The following PET117 variants were observed in gnomAD, a reference collection of about 807,000 sequenced individuals.
The protein encoded by PET117 is PET117 cytochrome c oxidase chaperone.
Under a neutral mutation model 9.2 loss-of-function variants are expected in PET117, and 10 were observed. That is an observed-to-expected ratio of 1.09 (90% CI 0.67 to 1.85). The LOEUF is 1.85. Ranked by LOEUF, PET117 falls within the 40% of genes most tolerant of loss-of-function variation. The probability of loss-of-function intolerance (pLI) is 0.00; values close to 1 mark genes in which losing one functional copy is unlikely to be tolerated. For missense variants in PET117, 96 were observed against 98.2 expected (o/e 0.98, Z 0.09); for synonymous variants, 43 against 37.1 (o/e 1.16, Z -0.57).
intron 1 of PET117, among the ~76,000 whole-genome samples, chr20:18,139,482 G>T (rs547589581): frequency 6.6e-6 from 1 of 152,270 alleles, no homozygotes; most frequent in East Asian, 1.9e-4. Context: ...CCCCACCCCA[G>T]ACCATTTAAA....
Position 18,143,034 on chromosome 20 carries a change from T to C in PET117, c.*677T>C. 4 of 1,452,324 alleles carry C rather than the reference T, an allele frequency of 2.8e-6. No homozygotes were observed. The highest frequency in any genetic ancestry group is 3.6e-6 in the Non-Finnish European group (4 of 1,103,152). 90.0% of individuals were successfully genotyped at this position (1,452,324 alleles called of 1,614,324 possible). ...ACCTAAATAAAAGGATAATTATATT[T>C]ATTCTCTAGTTGATCAGCTATAAAT... On this transcript the variant is annotated 3_prime_UTR_variant, in exon 2 of 2. Coordinates refer to ENST00000432901, the MANE Select transcript of PET117 (RefSeq NM_001164811.2).
At chr20:18,138,085 C>CAA in intron 1 of PET117, 34 bp downstream of exon 1, 1 of 1,436,220 alleles carries the variant, frequency 7.0e-7, no homozygotes, top group Non-Finnish European at 9.1e-7. Context: ...TCCGGGCCCG[C>CAA]GCGCGCGGCG....
intron 1 of PET117, chr20:18,138,268 C>T: frequency 1.6e-6 from 2 of 1,226,420 alleles, no homozygotes; most frequent in African/African-American, 1.6e-5. Context: ...CCCGCAGATT[C>T]AGGACGACCC....
chr20:18,142,880 TC>T lies in PET117; in HGVS notation c.*525del. On this transcript the variant is annotated 3_prime_UTR_variant, in exon 2 of 2. Transcript: ENST00000432901. ...CGTGTCTTGGATGGAGGAGCAGCTG[TC>T]CTACTTCTGTGACAAGTGCCAAAAA... 1 of 1,614,176 alleles carries T rather than the reference TC, an allele frequency of 6.2e-7. No homozygotes were observed. The highest frequency in any genetic ancestry group is 8.5e-7 in the Non-Finnish European group (1 of 1,180,004).
chr20:18,143,102 T>C lies in PET117; in HGVS notation c.*745T>C. The C allele has an allele frequency of 7.3e-7, 1 of 1,377,474 alleles. No homozygotes were observed. Among genetic ancestry groups the C allele is most frequent in the Non-Finnish European group, 9.4e-7 (1 of 1,062,916 alleles). The allele number at this position is 1,377,474 out of a possible 1,614,324, so 85.3% of individuals were successfully genotyped here. A position where few individuals can be genotyped will look rare whatever the true frequency, so the allele number is the denominator to read the frequency against. The stretch of plus-strand genomic sequence containing the variant: ...ATGTTTGTACTAATGAAACGTACTG[T>C]CAACCTCTATCACATTGTTAAATTA... On this transcript the variant is annotated 3_prime_UTR_variant, in exon 2 of 2. Coordinates refer to ENST00000432901, the MANE Select transcript of PET117 (RefSeq NM_001164811.2).
rs778446683 is a variant in PET117 at position 18,142,652 on chromosome 20, A to T, written c.*295A>T. ...TGAGAAGCACTGCCGAGCTTGTGAG[A>T]AGGAAGGGATGGATAGTAGCATCCA... On this transcript the variant is annotated 3_prime_UTR_variant, in exon 2 of 2. Coordinates refer to ENST00000432901, the MANE Select transcript of PET117 (RefSeq NM_001164811.2). The T allele has an allele frequency of 6.2e-7, 1 of 1,613,710 alleles. No individual in the cohort carries two copies. Among genetic ancestry groups the T allele is most frequent in the Non-Finnish European group, 8.5e-7 (1 of 1,179,656 alleles).
At chr20:18,138,986 GA>G (rs141089107) in intron 1 of PET117, among the ~76,000 whole-genome samples, 3,784 of 152,306 alleles carry the variant, frequency 0.025, 73 homozygotes, top group African/African-American at 0.045. Context: ...CACCAAGGGT[GA>G]AAATAATGGA....
At chr20:18,140,681 G>A (rs1018214135) in intron 1 of PET117, among the ~76,000 whole-genome samples, 10 of 151,652 alleles carry the variant, frequency 6.6e-5, no homozygotes, top group Admixed American at 2.0e-4. Flanking sequence ...GCCTGGTGGC[G>A]CACGCCTGTA....
chr20:18,142,979 A>G lies in PET117; in HGVS notation c.*622A>G. On this transcript the variant is annotated 3_prime_UTR_variant, in exon 2 of 2. Transcript: ENST00000432901. Reference sequence around the variant, plus strand: ...TCCTGTGTGAAGGTTTGTTTTTCCAACCTGTGAAAGAAACGTGAATGTAAA... The same window carrying G: ...TCCTGTGTGAAGGTTTGTTTTTCCAGCCTGTGAAAGAAACGTGAATGTAAA... The G allele has an allele frequency of 6.3e-7, 1 of 1,585,310 alleles. No homozygotes were observed. Among genetic ancestry groups the G allele is most frequent in the South Asian group, 1.1e-5 (1 of 88,728 alleles).
chr20:18,138,505 G>T, intron 1 of PET117: 1 of 974,004 alleles, frequency 1.0e-6, no homozygotes, highest in Non-Finnish European at 1.2e-6. Context: ...CTGGCCCAAG[G>T]TTGGGGTTAA....
chr20:18,137,965 A>G lies in PET117; in HGVS notation c.10A>G (p.Ser4Gly). The G allele has an allele frequency of 6.7e-7, 1 of 1,489,626 alleles. No individual in the cohort carries two copies. The highest frequency in any genetic ancestry group is 2.3e-5 in the Admixed American group (1 of 44,338). 92.3% of individuals were successfully genotyped at this position (1,489,626 alleles called of 1,614,324 possible). The change falls in exon 1 of 2, where the codon AGC (serine) becomes GGC (glycine). Residue 4 changes from serine to glycine, a missense_variant. Transcript: ENST00000432901. ...GGCCGCCAGCGTGGGGATGTCTAGG[A>G]GCTCGAAGGTGGTGCTGGGCCTCTC... MSRSSKVVLGLSVL... is the reference protein window; with the variant it reads MSRGSKVVLGLSVL...
At chr20:18,139,632 A>AGGTGTGTGTGTGTG (rs1203664163) in intron 1 of PET117, among the ~76,000 whole-genome samples, 27 of 99,862 alleles carry the variant, frequency 2.7e-4, no homozygotes, top group Middle Eastern at 4.7e-3. Context: ...AACCAAAATA[A>AGGTGTGTGTGTGTG]CGTGTGTGTG....
At chr20:18,141,254 TAA>T (rs1332160939) in intron 1 of PET117, among the ~76,000 whole-genome samples, 1 of 152,054 alleles carries the variant, frequency 6.6e-6, no homozygotes, top group East Asian at 1.9e-4. Context: ...CTGATGTTTT[TAA>T]AAGTCTCTTC....
intron 1 of PET117, among the ~76,000 whole-genome samples, chr20:18,140,407 A>G (rs994383677): frequency 9.2e-5 from 14 of 152,208 alleles, no homozygotes; most frequent in Non-Finnish European, 1.5e-5. Flanking sequence ...TAGGTATTAT[A>G]TTAGGTGAGT....
Position 18,142,640 on chromosome 20 carries a change from C to T in PET117, c.*283C>T, listed in dbSNP as rs1449544326. On this transcript the variant is annotated 3_prime_UTR_variant, in exon 2 of 2. Transcript: ENST00000432901. ...TAGGGTTGTTACTGAGAAGCACTGCCGAGCTTGTGAGAAGGAAGGGATGGA... is the reference window on the plus strand; with the variant it reads ...TAGGGTTGTTACTGAGAAGCACTGCTGAGCTTGTGAGAAGGAAGGGATGGA... The T allele has an allele frequency of 9.3e-6, 15 of 1,613,200 alleles. No homozygotes were observed. The East Asian group carries it at 1.3e-4, about 14-fold the overall frequency.
In PET117 at chr20:18,142,875, A is replaced by G; in HGVS notation, c.*518A>G. 1 of 1,614,214 alleles carries G rather than the reference A, an allele frequency of 6.2e-7. No homozygotes were observed. The highest frequency in any genetic ancestry group is 8.5e-7 in the Non-Finnish European group (1 of 1,180,042). On this transcript the variant is annotated 3_prime_UTR_variant, in exon 2 of 2. Coordinates refer to ENST00000432901, the MANE Select transcript of PET117 (RefSeq NM_001164811.2). ...GGAGACGTGTCTTGGATGGAGGAGC[A>G]GCTGTCCTACTTCTGTGACAAGTGC...
intron 1 of PET117, 191 bp downstream of exon 1, chr20:18,138,242 C>T (rs1212417525): frequency 6.4e-6 from 8 of 1,241,798 alleles, no homozygotes; most frequent in African/African-American, 4.7e-5. Flanking sequence ...CTGCAGCTCC[C>T]GGCGGGCGTG....
intron 1 of PET117, chr20:18,138,521 A>C: frequency 7.6e-6 from 7 of 923,068 alleles, no homozygotes; most frequent in Non-Finnish European, 9.1e-6. Flanking sequence ...GTTAAAGCCT[A>C]ATGTGTTTTA....
intron 1 of PET117, among the ~76,000 whole-genome samples, chr20:18,141,666 T>C (rs1600213571): frequency 6.6e-6 from 1 of 152,290 alleles, no homozygotes; most frequent in East Asian, 1.9e-4. Flanking sequence ...GGTGGATTAC[T>C]TGAGATCAGG....
Sources: gnomAD v4.1 joint callset for allele counts (sites outside exome capture counted in the v4.1 genomes callset) on GRCh38, gnomAD v4.1.1 for gene constraint, MANE v1.5 for transcripts, NCBI Gene and HGNC (gene_info 2026-07-23, HGNC 2026-07-21) for gene names.